EPHA6: variants seen among roughly 807,000 people sequenced by gnomAD.
The protein encoded by EPHA6 is EPH receptor A6, also known as ephrin type-A receptor 6.
A neutral mutation model predicts 112.0 loss-of-function variants in EPHA6; 50 were observed. The ratio of observed to expected loss-of-function variants is 0.45; its 90% CI spans 0.36 to 0.56. The LOEUF is 0.56. Ranked by LOEUF, EPHA6 falls within the 20% of genes least tolerant of loss-of-function variation. EPHA6 has a pLI of 0.00. For missense variants in EPHA6, 1,280 were observed against 1,417.4 expected, an observed-to-expected ratio of 0.90 and a Z score of 1.56; for synonymous variants, 529 against 490.7, an observed-to-expected ratio of 1.08 and a Z score of -1.03.
intron 3 of EPHA6, among the ~76,000 whole-genome samples, chr3:96,996,131 TC>T (rs2043411078): frequency 6.6e-6 from 1 of 152,162 alleles, no homozygotes; most frequent in Non-Finnish European, 1.5e-5. Flanking sequence ...AGATTCTGTC[TC>T]AAGAAACCAC....
rs1440716565 is a variant in EPHA6, at chr3:97,750,559, G to A, written c.*1858G>A. Among the ~76,000 whole-genome samples the A allele has an allele frequency of 2.0e-5, 3 of 152,018 alleles. No individual in the cohort carries two copies. Among genetic ancestry groups the A allele is most frequent in the Admixed American group, 6.6e-5 (1 of 15,250 alleles). On this transcript the variant is annotated 3_prime_UTR_variant, in exon 18 of 18. Coordinates refer to ENST00000389672, the MANE Select transcript of EPHA6 (RefSeq NM_001080448.3). ...TTTAGTAGAGACGGGGTTTCACCAT[G>A]TTGGCCAGGCTGCTCGAACTCCTGA...
At chr3:96,962,030 G>A (rs1009770853) in intron 2 of EPHA6, among the ~76,000 whole-genome samples, 5 of 152,094 alleles carry the variant, frequency 3.3e-5, no homozygotes, top group Admixed American at 6.6e-5. Context: ...CATAAAACAC[G>A]TCTCATGTAC....
intron 2 of EPHA6, among the ~76,000 whole-genome samples, chr3:96,912,163 A>G (rs755874793): frequency 6.6e-6 from 1 of 152,166 alleles, no homozygotes; most frequent in Non-Finnish European, 1.5e-5. Flanking sequence ...AAATGGTTAC[A>G]TTATATATTT....
At chr3:97,022,565 C>T (rs1373285861) in intron 3 of EPHA6, among the ~76,000 whole-genome samples, 1 of 152,186 alleles carries the variant, frequency 6.6e-6, no homozygotes, top group Non-Finnish European at 1.5e-5. Flanking sequence ...TAGATGCCAG[C>T]TCCATCTGTG....
chr3:96,854,782 T>A (rs750330682), intron 1 of EPHA6, among the ~76,000 whole-genome samples: 15 of 152,232 alleles, frequency 9.9e-5, no homozygotes, highest in East Asian at 1.9e-4. Flanking sequence ...AGGAACAAGA[T>A]GAAGAGACCC....
intron 2 of EPHA6, among the ~76,000 whole-genome samples, chr3:96,909,103 T>C (rs2039083788): frequency 6.6e-6 from 1 of 151,988 alleles, no homozygotes; most frequent in Non-Finnish European, 1.5e-5. Flanking sequence ...TTCATGTTAA[T>C]ATAACTAGTT....
chr3:96,975,892 C>T (rs75709582), intron 2 of EPHA6, among the ~76,000 whole-genome samples: 2,110 of 152,170 alleles, frequency 0.014, 60 homozygotes, highest in African/African-American at 0.048. Flanking sequence ...TTATTTAACT[C>T]TTTTCTACAT....
intron 5 of EPHA6, among the ~76,000 whole-genome samples, chr3:97,281,272 G>A (rs1040812663): frequency 6.6e-6 from 1 of 151,644 alleles, no homozygotes; most frequent in East Asian, 1.9e-4. Context: ...GTGTTTTAAG[G>A]TCACTGCTTT....
At chr3:96,958,330 C>A (rs1158842772) in intron 2 of EPHA6, among the ~76,000 whole-genome samples, 1 of 151,824 alleles carries the variant, frequency 6.6e-6, no homozygotes, top group Non-Finnish European at 1.5e-5. Context: ...TTCAGTTCTG[C>A]CATTTGCTAA....
At chr3:97,570,522 G>A (rs1481660675) in intron 11 of EPHA6, among the ~76,000 whole-genome samples, 2 of 152,152 alleles carry the variant, frequency 1.3e-5, no homozygotes, top group African/African-American at 4.8e-5. Flanking sequence ...ACGAGGTCGG[G>A]AGTTGAACAC....
intron 3 of EPHA6, among the ~76,000 whole-genome samples, chr3:97,179,151 CTATTA>C (rs1472974962): frequency 1.3e-5 from 2 of 151,986 alleles, no homozygotes; most frequent in Non-Finnish European, 2.9e-5. Flanking sequence ...ATCCATTCTG[CTATTA>C]AAGGACTCAA....
intron 3 of EPHA6, among the ~76,000 whole-genome samples, chr3:97,123,179 G>A (rs577283053): frequency 1.3e-5 from 2 of 152,100 alleles, no homozygotes; most frequent in African/African-American, 4.8e-5. Flanking sequence ...TAAAATAATA[G>A]CACATGTAGT....
At chr3:97,387,209 G>A (rs1029771373) in intron 5 of EPHA6, among the ~76,000 whole-genome samples, 2 of 152,136 alleles carry the variant, frequency 1.3e-5, no homozygotes, top group African/African-American at 4.8e-5. Context: ...AATTTCTGCA[G>A]CTAGCTTGAA....
intron 1 of EPHA6, among the ~76,000 whole-genome samples, chr3:96,825,828 A>G (rs1008296719): frequency 1.3e-5 from 2 of 151,850 alleles, no homozygotes; most frequent in African/African-American, 2.4e-5. Flanking sequence ...CTATTTTTAA[A>G]TTAAACATTT....
chr3:97,365,644 T>A (rs534562465), intron 5 of EPHA6, among the ~76,000 whole-genome samples: 127 of 152,286 alleles, frequency 8.3e-4, no homozygotes, highest in Admixed American at 2.6e-3. Context: ...TGCCTCGGCC[T>A]CCTAAAGTGC....
intron 6 of EPHA6, among the ~76,000 whole-genome samples, chr3:97,413,048 A>G (rs1018068006): frequency 4.0e-5 from 6 of 151,594 alleles, no homozygotes; most frequent in African/African-American, 1.5e-4. Context: ...AGTAACAAGG[A>G]CATAAATTCA....
chr3:97,235,498 T>A (rs1253279711), intron 4 of EPHA6, among the ~76,000 whole-genome samples: 1 of 152,122 alleles, frequency 6.6e-6, no homozygotes, highest in African/African-American at 2.4e-5. Flanking sequence ...CATTCCTTCT[T>A]GTAAATTCCT....
rs561223894 is a variant in EPHA6, at chr3:96,840,075, T to G, written c.385+25067T>G. On this transcript the variant is annotated intron_variant, in intron 1 of 17. Transcript: ENST00000389672. ...AGAGGAACATGTGCTGGCTGATAAG[T>G]GCTCCAGTTCACAGGTAATGAGTGA... Among the ~76,000 whole-genome samples, 7 of 152,170 alleles carry G rather than the reference T, an allele frequency of 4.6e-5. No individual in the cohort carries two copies. The South Asian group carries it at 6.2e-4, about 14-fold the overall frequency.
chr3:97,412,989 A>AT (rs2087838365), intron 6 of EPHA6, among the ~76,000 whole-genome samples: 1 of 151,720 alleles, frequency 6.6e-6, no homozygotes, highest in Non-Finnish European at 1.5e-5. Context: ...GATTATTAGT[A>AT]TTTTTCTTTT....
Sources: gnomAD v4.1 joint callset for allele counts (sites outside exome capture counted in the v4.1 genomes callset) on GRCh38, gnomAD v4.1.1 for gene constraint, MANE v1.5 for transcripts, NCBI Gene and HGNC (gene_info 2026-07-23, HGNC 2026-07-21) for gene names.